ARHGAP6: variants seen among roughly 807,000 people sequenced by gnomAD.
The protein encoded by ARHGAP6 is rho GTPase-activating protein 6.
A neutral mutation model predicts 55.7 loss-of-function variants in ARHGAP6; 16 were observed. The ratio of observed to expected loss-of-function variants is 0.29; its 90% CI spans 0.19 to 0.44. ARHGAP6 has a LOEUF of 0.44. ARHGAP6 is among the 20% of genes least tolerant of loss of function. ARHGAP6 has a pLI of 1.00. For synonymous variants in ARHGAP6, 382 were observed against 360.9 expected (o/e 1.06, Z -0.66); for missense variants, 698 against 808.9 (o/e 0.86, Z 1.66).
intron 1 of ARHGAP6, among the ~76,000 whole-genome samples, chrX:11,409,524 T>C (rs1374640972): frequency 8.9e-6 from 1 of 112,005 alleles, no homozygotes; most frequent in African/African-American, 3.2e-5. Flanking sequence ...GAGCAGGACA[T>C]CCATACTCAG....
intron 12 of ARHGAP6, among the ~76,000 whole-genome samples, chrX:11,140,546 C>T (rs1488337944): frequency 9.0e-6 from 1 of 110,913 alleles, no homozygotes; most frequent in Non-Finnish European, 1.9e-5. Flanking sequence ...TTGGAAGACT[C>T]CCGGGGCTCT....
At chrX:11,549,535 C>A (rs2051245110) in intron 1 of ARHGAP6, among the ~76,000 whole-genome samples, 1 of 111,898 alleles carries the variant, frequency 8.9e-6, no homozygotes, top group African/African-American at 3.3e-5. Flanking sequence ...AGGTTTAGAG[C>A]CACTGCCCTG....
chrX:11,401,293 A>C (rs1426341907), intron 1 of ARHGAP6, among the ~76,000 whole-genome samples: 1 of 111,971 alleles, frequency 8.9e-6, no homozygotes, highest in Non-Finnish European at 1.9e-5. Flanking sequence ...CTTTATGTCC[A>C]ACCAGCTCAT....
At chrX:11,241,509 A>G (rs1159564225) in intron 2 of ARHGAP6, among the ~76,000 whole-genome samples, 1 of 106,465 alleles carries the variant, frequency 9.4e-6, no homozygotes, top group African/African-American at 3.5e-5. Flanking sequence ...AACTGGTCCC[A>G]TCATTCAGGC....
At chrX:11,582,765 A>T (rs1337370338) in intron 1 of ARHGAP6, among the ~76,000 whole-genome samples, 2 of 111,542 alleles carry the variant, frequency 1.8e-5, no homozygotes, top group Non-Finnish European at 3.8e-5. Context: ...TTAAATATTA[A>T]TATTAAATAT....
intron 1 of ARHGAP6, among the ~76,000 whole-genome samples, chrX:11,566,395 A>G (rs764312754): frequency 8.9e-6 from 1 of 112,465 alleles, no homozygotes; most frequent in South Asian, 3.7e-4. Flanking sequence ...GTATCCATTC[A>G]TCCCCAAGTT....
chrX:11,342,560 G>T (rs2048720496), intron 1 of ARHGAP6, among the ~76,000 whole-genome samples: 1 of 111,581 alleles, frequency 9.0e-6, no homozygotes, highest in Non-Finnish European at 1.9e-5. Context: ...TTATCACTTG[G>T]TATGTACTAG....
intron 1 of ARHGAP6, among the ~76,000 whole-genome samples, chrX:11,437,702 C>T (rs1284372133): frequency 8.9e-6 from 1 of 112,362 alleles, no homozygotes; most frequent in African/African-American, 3.2e-5. Flanking sequence ...TATTTTCACA[C>T]ACATCAGTCA....
chrX:11,204,574 C>T (rs757796842), intron 2 of ARHGAP6, among the ~76,000 whole-genome samples: 12 of 111,812 alleles, frequency 1.1e-4, no homozygotes, highest in African/African-American at 3.9e-4. Context: ...AAACACATAT[C>T]TGTTTGAGGT....
chrX:11,337,643 G>C (rs2048655655), intron 1 of ARHGAP6, among the ~76,000 whole-genome samples: 1 of 112,353 alleles, frequency 8.9e-6, no homozygotes, highest in South Asian at 3.7e-4. Flanking sequence ...GTAAGTATGG[G>C]GATACAAAGT....
chrX:11,174,506 A>T (rs1036109200), intron 8 of ARHGAP6, among the ~76,000 whole-genome samples: 1 of 99,866 alleles, frequency 1.0e-5, no homozygotes, highest in Non-Finnish European at 2.0e-5. Context: ...TCCCAAGGCC[A>T]TTCTTTCTTT....
At chrX:11,459,659 T>C (rs1207476752) in intron 1 of ARHGAP6, among the ~76,000 whole-genome samples, 1 of 112,065 alleles carries the variant, frequency 8.9e-6, no homozygotes, top group Non-Finnish European at 1.9e-5. Flanking sequence ...CTCAATAAAA[T>C]GAACTTTGAA....
chrX:11,466,359 A>T (rs1424229297), intron 1 of ARHGAP6, among the ~76,000 whole-genome samples: 2 of 111,548 alleles, frequency 1.8e-5, no homozygotes. Flanking sequence ...ACAAAACCAG[A>T]AGAGGACAAC....
chrX:11,450,203 AGTGTGTGTGTGTGTGT>A (rs34050296), intron 1 of ARHGAP6, among the ~76,000 whole-genome samples: 12 of 90,183 alleles, frequency 1.3e-4, no homozygotes, highest in South Asian at 1.2e-3. Context: ...ACAAATAATA[AGTGTGTGTGTGTGTGT>A]GTGTGTGTGT....
intron 2 of ARHGAP6, among the ~76,000 whole-genome samples, chrX:11,231,884 C>G (rs2047135071): frequency 8.9e-6 from 1 of 112,073 alleles, no homozygotes; most frequent in African/African-American, 3.2e-5. Flanking sequence ...TACTGTGTCA[C>G]AGGAAACAAT....
Position 11,518,610 on chromosome X carries a change from G to A in ARHGAP6, c.588+145631C>T, listed in dbSNP as rs2050873525. Among the ~76,000 whole-genome samples, 4 of 106,304 alleles carry A rather than the reference G, an allele frequency of 3.8e-5. No homozygotes were observed. The Admixed American group carries it at 4.1e-4, about 11-fold the overall frequency. The allele number at this position is 106,304 out of a possible 115,157, so 92.3% of individuals were successfully genotyped here. ...CCCTCAAAAAAATCTCTTCCTCAAG[G>A]CCTCCCTTGCAACAGTGCACTTTTT... On this transcript the variant is annotated intron_variant, in intron 1 of 12. Coordinates refer to ENST00000337414, the MANE Select transcript of ARHGAP6 (RefSeq NM_013427.3).
At chrX:11,175,906 C>T (rs2046206732) in intron 8 of ARHGAP6, among the ~76,000 whole-genome samples, 1 of 108,911 alleles carries the variant, frequency 9.2e-6, no homozygotes, top group Non-Finnish European at 1.9e-5. Context: ...TTCTCTTAGA[C>T]TGGCTCAGGT....
At chrX:11,168,824 TG>T (rs2046050838) in intron 9 of ARHGAP6, among the ~76,000 whole-genome samples, 1 of 112,152 alleles carries the variant, frequency 8.9e-6, no homozygotes, top group Non-Finnish European at 1.9e-5. Context: ...TGCAGTTTGA[TG>T]AAGGAAAACA....
intron 1 of ARHGAP6, chrX:11,265,867 T>A (rs2047615558): frequency 3.2e-6 from 3 of 950,449 alleles, no homozygotes; most frequent in Non-Finnish European, 4.0e-6. Context: ...ACTCCCACGA[T>A]ACCTTTTGTT....
Sources: gnomAD v4.1 joint callset for allele counts (sites outside exome capture counted in the v4.1 genomes callset) on GRCh38, gnomAD v4.1.1 for gene constraint, MANE v1.5 for transcripts, NCBI Gene and HGNC (gene_info 2026-07-23, HGNC 2026-07-21) for gene names.